TRIM5: variants seen among roughly 807,000 people sequenced by gnomAD.
The protein encoded by TRIM5 is tripartite motif-containing protein 5.
In TRIM5, 31 loss-of-function variants were observed where a neutral mutation model predicts 35.6. The ratio of observed to expected loss-of-function variants is 0.87; its 90% CI spans 0.65 to 1.18. TRIM5 has a LOEUF of 1.18. Ranked by LOEUF, TRIM5 falls within the 50% of genes most tolerant of loss-of-function variation. The probability of loss-of-function intolerance (pLI) is 0.00; values close to 1 mark genes in which losing one functional copy is unlikely to be tolerated. For missense variants in TRIM5, 609 were observed against 591.6 expected (o/e 1.03, Z -0.31); for synonymous variants, 243 against 215.6 (o/e 1.13, Z -1.11).
At chr11:5,642,469 T>C in the TRIM5 span, 12 of 1,613,854 alleles carry the variant, frequency 7.4e-6, no homozygotes, top group African/African-American at 5.3e-5. Context: ...CTGTATTCCA[T>C]GCTCCAGATC....
chr11:5,634,883 G>C, the TRIM5 span: 4 of 1,604,488 alleles, frequency 2.5e-6, no homozygotes, highest in African/African-American at 5.3e-5. Context: ...CGCTCAATCT[G>C]AGATTCTGGG....
the TRIM5 span, among the ~76,000 whole-genome samples, chr11:5,652,670 A>G: frequency 6.6e-6 from 1 of 152,030 alleles, no homozygotes; most frequent in Non-Finnish European, 1.5e-5. Context: ...TTTCATATGA[A>G]TTTTAGAATA....
chr11:5,633,130 G>A, the TRIM5 span, among the ~76,000 whole-genome samples: 3 of 142,492 alleles, frequency 2.1e-5, no homozygotes, highest in East Asian at 4.1e-4. Flanking sequence ...GAGCCACCAT[G>A]CCCGGCCTTT....
chr11:5,589,640 A>C, the TRIM5 span: 4 of 152,144 alleles, frequency 2.6e-5, no homozygotes, highest in African/African-American at 4.8e-5. Context: ...ATCTTTTAAC[A>C]GAAATCAGGC....
the TRIM5 span, chr11:5,642,391 T>TG: frequency 6.2e-7 from 1 of 1,609,776 alleles, no homozygotes; most frequent in Non-Finnish European, 8.5e-7. Context: ...GTCAAAAAAT[T>TG]TTTTTCATCC....
rs1327114092 is a variant in TRIM5, at chr11:5,679,756, C to T, written c.417+5G>A. 1.3e-6 allele frequency: 2 copies of T among 1,575,120 alleles called. No homozygotes were observed. The highest frequency in any genetic ancestry group is 2.7e-5 in the African/African-American group (2 of 74,006). On this transcript the variant is annotated splice_donor_5th_base_variant and intron_variant, in intron 2 of 7. Coordinates refer to ENST00000380034, the MANE Select transcript of TRIM5 (RefSeq NM_033034.3). ...CCCTCTCTTCCTTCCATCCCAGTCT[C>T]TTACTTGGTACTCCCGGGCAACCTC...
chr11:5,609,602 A>C, the TRIM5 span, among the ~76,000 whole-genome samples: 1 of 152,186 alleles, frequency 6.6e-6, no homozygotes, highest in African/African-American at 2.4e-5. Flanking sequence ...TAAAAACAAC[A>C]ACAGAAAAAC....
At position 5,678,150 on chromosome 11, in the gene TRIM5, A is replaced by G. The variant is rs372003209; in HGVS notation, c.744+54T>C. On this transcript the variant is annotated intron_variant, in intron 4 of 7. Coordinates refer to ENST00000380034, the MANE Select transcript of TRIM5 (RefSeq NM_033034.3). ...AAAAGCACAGCAACGCAGAGAAGGAAATAGCCTTCACTTTTCTTTAATCTC... is the reference window on the plus strand; with the variant it reads ...AAAAGCACAGCAACGCAGAGAAGGAGATAGCCTTCACTTTTCTTTAATCTC... The G allele has an allele frequency of 1.7e-5, 25 of 1,480,772 alleles. No homozygotes were observed. In the African/African-American group the frequency reaches 3.5e-4, roughly 21 times the overall value. The allele number at this position is 1,480,772 out of a possible 1,614,324, so 91.7% of individuals were successfully genotyped here.
intron 4 of TRIM5, among the ~76,000 whole-genome samples, chr11:5,671,392 T>G (rs897761804): frequency 4.0e-5 from 6 of 150,474 alleles, no homozygotes; most frequent in Admixed American, 4.0e-4. Flanking sequence ...AGATAAAGAC[T>G]TCAAAGCAAC....
rs1852315447 is a variant in TRIM5 at position 5,680,080 on chromosome 11, C to T, written c.98G>A (p.Ser33Asn). Residue 33 changes from serine to asparagine, a missense_variant, in exon 2 of 8, where the codon AGC becomes AAC. Ser to Asn is a conservative substitution (Grantham distance 46). Coordinates refer to ENST00000380034, the MANE Select transcript of TRIM5 (RefSeq NM_033034.3). ...TQPLSLDCGH[S>N]FCQACLTANH... is the part of the protein sequence containing the mutation. The stretch of plus-strand genomic sequence containing the variant: ...TGCAGTGAGGCATGCTTGGCAGAAG[C>T]TGTGGCCGCAGTCCAGGCTCAGGGG... 2 of 1,614,028 alleles carry T rather than the reference C, an allele frequency of 1.2e-6. No homozygotes were observed. The highest frequency in any genetic ancestry group is 1.3e-5 in the African/African-American group (1 of 74,900).
At chr11:5,589,521 G>A in the TRIM5 span, 19 of 151,686 alleles carry the variant, frequency 1.3e-4, no homozygotes, top group Admixed American at 1.3e-4. Flanking sequence ...TTCTCCTTTG[G>A]GTTGGTTACA....
At chr11:5,596,249 T>C in the TRIM5 span, 1 of 152,606 alleles carries the variant, frequency 6.6e-6, no homozygotes, top group Non-Finnish European at 1.5e-5. Context: ...TTTGACCCGC[T>C]CTGCAGGTCG....
chr11:5,645,918 T>G, the TRIM5 span: 4 of 156,654 alleles, frequency 2.6e-5, no homozygotes, highest in Non-Finnish European at 4.8e-5. Context: ...TATATATAGA[T>G]ATATATATAG....
chr11:5,654,910 G>T, the TRIM5 span, among the ~76,000 whole-genome samples: 1 of 152,142 alleles, frequency 6.6e-6, no homozygotes, highest in African/African-American at 2.4e-5. Flanking sequence ...CATTTTTCTG[G>T]CCGGGCACGG....
downstream of TRIM5, among the ~76,000 whole-genome samples, chr11:5,660,046 G>A (rs1850761714): frequency 6.6e-6 from 1 of 151,780 alleles, no homozygotes; most frequent in Middle Eastern, 3.2e-3. Context: ...GCGAGATCTC[G>A]GCTCACTGCA....
intron 3 of TRIM5, 80 bp from the exon 4 acceptor site, chr11:5,678,514 G>T: frequency 8.2e-7 from 1 of 1,215,694 alleles, no homozygotes; most frequent in East Asian, 2.4e-5. Flanking sequence ...TGTTTCTTTT[G>T]GGGAGTTCTC....
chr11:5,666,315 T>C (rs1851134573), intron 5 of TRIM5: 1 of 603,902 alleles, frequency 1.7e-6, no homozygotes, highest in Non-Finnish European at 3.0e-6. Flanking sequence ...AGAAGCACAG[T>C]TTCTTCCTTC....
At chr11:5,628,789 A>G in the TRIM5 span, among the ~76,000 whole-genome samples, 1 of 148,480 alleles carries the variant, frequency 6.7e-6, no homozygotes, top group African/African-American at 2.4e-5. Flanking sequence ...TCCAAAACCA[A>G]GATGGCGGCA....
At chr11:5,616,339 T>A in the TRIM5 span, among the ~76,000 whole-genome samples, 1 of 145,978 alleles carries the variant, frequency 6.9e-6, no homozygotes, top group Non-Finnish European at 1.5e-5. Flanking sequence ...AGAAAAGTAT[T>A]TAAGTGGCAT....
Sources: gnomAD v4.1 joint callset for allele counts (sites outside exome capture counted in the v4.1 genomes callset) on GRCh38, gnomAD v4.1.1 for gene constraint, MANE v1.5 for transcripts, NCBI Gene and HGNC (gene_info 2026-07-23, HGNC 2026-07-21) for gene names.